RAB4A: variants seen among roughly 807,000 people sequenced by gnomAD.
RAB4A encodes RAB4A, member RAS oncogene family, also known as ras-related protein Rab-4A.
Under a neutral mutation model 34.5 loss-of-function variants are expected in RAB4A, and 20 were observed. The ratio of observed to expected loss-of-function variants is 0.58; its 90% CI spans 0.41 to 0.84. The LOEUF is 0.84. Ranked by LOEUF, RAB4A falls within the 40% of genes least tolerant of loss-of-function variation. The pLI is 0.00. For synonymous variants in RAB4A, 102 were observed against 100.0 expected (o/e 1.02, Z -0.12); for missense variants, 228 against 274.5 (o/e 0.83, Z 1.20).
chr1:229,272,444 G>A (rs536745241), intron 1 of RAB4A, among the ~76,000 whole-genome samples: 37 of 152,286 alleles, frequency 2.4e-4, no homozygotes, highest in African/African-American at 8.7e-4. Flanking sequence ...CAGCAGACAC[G>A]GCTCTGGTCT....
chr1:229,295,841 C>A lies in RAB4A; in HGVS notation c.228-7C>A. Reference sequence around the variant, plus strand: ...GGTTGAAAGTAAAACCAGTATAATTCTTCCAGGTCCGTGACGAGAAGTTAT... The same window carrying A: ...GGTTGAAAGTAAAACCAGTATAATTATTCCAGGTCCGTGACGAGAAGTTAT... On this transcript the variant is annotated splice_region_variant and splice_polypyrimidine_tract_variant and intron_variant, in intron 3 of 7. Transcript: ENST00000366690. 1.9e-6 allele frequency: 3 copies of A among 1,613,886 alleles called. No homozygotes were observed. Among genetic ancestry groups the A allele is most frequent in the Non-Finnish European group, 2.5e-6 (3 of 1,179,898 alleles).
intron 1 of RAB4A, among the ~76,000 whole-genome samples, chr1:229,285,973 G>A (rs922462668): frequency 3.9e-5 from 6 of 152,230 alleles, no homozygotes; most frequent in South Asian, 2.1e-4. Context: ...GGCTTATGCC[G>A]TTATACAAAT....
Position 229,305,099 on chromosome 1 carries a change from TCAG to T in RAB4A, c.*1310_*1312del. Reference sequence around the variant, plus strand: ...CTACTGCTTTTGTTGTTTATTTTAATCAGCAGAGCACAGAGACACATAAAAACT... The same window carrying T: ...CTACTGCTTTTGTTGTTTATTTTAATCAGAGCACAGAGACACATAAAAACT... On this transcript the variant is annotated 3_prime_UTR_variant, in exon 8 of 8. Transcript: ENST00000366690. 6.7e-7 allele frequency: 1 copy of T among 1,493,736 alleles called. No homozygotes were observed. The allele number at this position is 1,493,736 out of a possible 1,614,324, so 92.5% of individuals were successfully genotyped here.
Position 229,297,478 on chromosome 1 carries a change from G to T in RAB4A, c.291-4G>T, listed in dbSNP as rs775492093. 1.9e-6 allele frequency: 3 copies of T among 1,583,600 alleles called. No individual in the cohort carries two copies. The highest frequency in any genetic ancestry group is 2.6e-6 in the Non-Finnish European group (3 of 1,170,336). ...TATTATTTTCACAATCTTATATTAC[G>T]CAGCCGAGAAACCTACAATGCGCTT... On this transcript the variant is annotated splice_region_variant and splice_polypyrimidine_tract_variant and intron_variant, in intron 4 of 7. Coordinates refer to ENST00000366690, the MANE Select transcript of RAB4A (RefSeq NM_004578.4).
At chr1:229,274,770 G>C (rs1339675159) in intron 1 of RAB4A, among the ~76,000 whole-genome samples, 1 of 152,210 alleles carries the variant, frequency 6.6e-6, no homozygotes, top group Non-Finnish European at 1.5e-5. Flanking sequence ...AAAATGCCAG[G>C]AATTTCTTTT....
At chr1:229,302,784 T>C in intron 6 of RAB4A, 78 bp from the exon 7 acceptor site, 2 of 259,446 alleles carry the variant, frequency 7.7e-6, no homozygotes, top group Non-Finnish European at 1.3e-5. Flanking sequence ...TGTACTTTGC[T>C]TTTTTTTTTT....
chr1:229,275,801 T>C (rs559122073), intron 1 of RAB4A, among the ~76,000 whole-genome samples: 1 of 151,814 alleles, frequency 6.6e-6, no homozygotes, highest in African/African-American at 2.4e-5. Context: ...TTTTTTTGTA[T>C]TTTTAGTAGA....
At chr1:229,301,994 G>A (rs763293615) in intron 6 of RAB4A, among the ~76,000 whole-genome samples, 30 of 151,546 alleles carry the variant, frequency 2.0e-4, no homozygotes, top group Non-Finnish European at 2.5e-4. Context: ...CATTGCCACT[G>A]AAAGGAAATG....
chr1:229,279,487 G>C (rs906897221), intron 1 of RAB4A, among the ~76,000 whole-genome samples: 7 of 152,128 alleles, frequency 4.6e-5, no homozygotes, highest in African/African-American at 1.7e-4. Flanking sequence ...TGCAGTTTGG[G>C]GCATTAGGTA....
intron 1 of RAB4A, among the ~76,000 whole-genome samples, chr1:229,283,936 A>G (rs372328798): frequency 9.3e-5 from 14 of 150,834 alleles, no homozygotes; most frequent in East Asian, 5.8e-4. Context: ...TGGTTTCATC[A>G]TGTTGGCCAA....
rs775277274 is a variant in RAB4A at position 229,297,485 on chromosome 1, A to T, written c.294A>T (p.Arg98=). 2.6e-5 allele frequency: 42 copies of T among 1,590,984 alleles called. No individual in the cohort carries two copies. Among genetic ancestry groups the T allele is most frequent in the Non-Finnish European group, 3.6e-5 (42 of 1,173,786 alleles). The change falls in exon 5 of 8, where the codon CGA becomes CGT. Residue 98 remains arginine, a synonymous_variant. Transcript: ENST00000366690. ...TTCACAATCTTATATTACGCAGCCG[A>T]GAAACCTACAATGCGCTTACTAATT... The part of the protein sequence containing the change: ...GALLVYDITS[R]ETYNALTNWL...
At chr1:229,302,301 A>T (rs1309873045) in intron 6 of RAB4A, among the ~76,000 whole-genome samples, 12,142 of 40,546 alleles carry the variant, frequency 0.3, 1,784 homozygotes, top group African/African-American at 0.47. Flanking sequence ...ATATATATAT[A>T]TATATATATT....
Position 229,288,855 on chromosome 1 carries a change from C to T in RAB4A, c.227+12C>T. ...CAAGAACGATTCAGGTAGCTTTTCTCTAACTTAATAAAAATATTTGAAAAT... is the reference window on the plus strand; with the variant it reads ...CAAGAACGATTCAGGTAGCTTTTCTTTAACTTAATAAAAATATTTGAAAAT... On this transcript the variant is annotated intron_variant, in intron 3 of 7. Transcript: ENST00000366690. 7.2e-7 allele frequency: 1 copy of T among 1,385,366 alleles called. No individual in the cohort carries two copies. The highest frequency in any genetic ancestry group is 1.0e-6 in the Non-Finnish European group (1 of 984,238). 85.8% of individuals were successfully genotyped at this position (1,385,366 alleles called of 1,614,324 possible).
At chr1:229,285,713 C>CTGT (rs1656906641) in intron 1 of RAB4A, among the ~76,000 whole-genome samples, 1 of 152,088 alleles carries the variant, frequency 6.6e-6, no homozygotes, top group Admixed American at 6.5e-5. Context: ...TACTCCCGAG[C>CTGT]TCCTAAGCTC....
At chr1:229,299,494 G>A (rs79747429) in intron 6 of RAB4A, among the ~76,000 whole-genome samples, 3,050 of 152,254 alleles carry the variant, frequency 0.02, 103 homozygotes, top group African/African-American at 0.068. Context: ...GTTGCAGATC[G>A]GGCATCATGG....
In RAB4A at chr1:229,305,233, A is replaced by C. The variant is rs1331873814; in HGVS notation, c.*1440A>C. The C allele has an allele frequency of 6.2e-7, 1 of 1,609,178 alleles. No homozygotes were observed. The highest frequency in any genetic ancestry group is 8.5e-7 in the Non-Finnish European group (1 of 1,178,064). On this transcript the variant is annotated 3_prime_UTR_variant, in exon 8 of 8. Coordinates refer to ENST00000366690, the MANE Select transcript of RAB4A (RefSeq NM_004578.4). ...TTTTATTTCAAAAAGTATCTGAAGC[A>C]AATTCTCAGACTGAACTACTTCTTA...
rs1341399728 is a variant in RAB4A, at chr1:229,304,087, C to G, written c.*294C>G. 2 of 152,102 alleles carry G rather than the reference C, an allele frequency of 1.3e-5. No homozygotes were observed. Among genetic ancestry groups the G allele is most frequent in the Non-Finnish European group, 2.9e-5 (2 of 68,028 alleles). 9.4% of individuals were successfully genotyped at this position (152,102 alleles called of 1,614,324 possible). A position where few individuals can be genotyped will look rare whatever the true frequency, so the allele number is the denominator to read the frequency against. On this transcript the variant is annotated 3_prime_UTR_variant, in exon 8 of 8. Coordinates refer to ENST00000366690, the MANE Select transcript of RAB4A (RefSeq NM_004578.4). ...GTACTGTATGTCCTGTAGCCCAGTG[C>G]GGCTCCACAGCATGGAATCTGATGT...
intron 1 of RAB4A, among the ~76,000 whole-genome samples, chr1:229,277,074 A>G (rs1202908962): frequency 6.8e-6 from 1 of 146,796 alleles, no homozygotes; most frequent in African/African-American, 2.5e-5. Flanking sequence ...ATATATAATT[A>G]TTTATATTTA....
chr1:229,278,938 CT>C (rs1031250766), intron 1 of RAB4A, among the ~76,000 whole-genome samples: 20 of 152,218 alleles, frequency 1.3e-4, no homozygotes, highest in African/African-American at 4.8e-4. Flanking sequence ...CTTATAAGAA[CT>C]GCTTCCCCAA....
Sources: gnomAD v4.1 joint callset for allele counts (sites outside exome capture counted in the v4.1 genomes callset) on GRCh38, gnomAD v4.1.1 for gene constraint, MANE v1.5 for transcripts, NCBI Gene and HGNC (gene_info 2026-07-23, HGNC 2026-07-21) for gene names.